The following KIAA2012 variants were observed in gnomAD, a reference collection of about 807,000 sequenced individuals.
KIAA2012 encodes uncharacterized protein KIAA2012.
Under a neutral mutation model 150.6 loss-of-function variants are expected in KIAA2012, and 125 were observed. The ratio of observed to expected loss-of-function variants is 0.83; its 90% CI spans 0.72 to 0.96. KIAA2012 has a LOEUF of 0.96. Among genes scored for constraint, KIAA2012 ranks in the 40% least tolerant of loss-of-function variants. The probability of loss-of-function intolerance (pLI) is 0.00; values close to 1 mark genes in which losing one functional copy is unlikely to be tolerated. For synonymous variants in KIAA2012, 462 were observed against 504.7 expected, an observed-to-expected ratio of 0.92 and a Z score of 1.13; for missense variants, 1,219 against 1,354.9, an observed-to-expected ratio of 0.90 and a Z score of 1.57.
At chr2:202,183,419 CA>C (rs1235156565) in intron 15 of KIAA2012, among the ~76,000 whole-genome samples, 150 of 39,806 alleles carry the variant, frequency 3.8e-3, no homozygotes, top group Admixed American at 7.1e-3. Context: ...GGCTCTGTCT[CA>C]AAAAAAAAAA....
intron 12 of KIAA2012, among the ~76,000 whole-genome samples, chr2:202,134,094 C>T (rs1691012990): frequency 6.6e-6 from 1 of 152,172 alleles, no homozygotes; most frequent in Admixed American, 6.5e-5. Flanking sequence ...CCCATTGGTT[C>T]CTGCTGGGGC....
chr2:202,099,852 C>A, intron 6 of KIAA2012, 56 bp downstream of exon 6: 2 of 1,404,414 alleles, frequency 1.4e-6, no homozygotes, highest in Non-Finnish European at 1.9e-6. Context: ...ATGCAGAGTT[C>A]ATTTAAGGAC....
chr2:202,184,728 A>G, intron 15 of KIAA2012, 25 bp from the exon 16 acceptor site: 1 of 1,487,376 alleles, frequency 6.7e-7, no homozygotes, highest in Non-Finnish European at 9.0e-7. Context: ...GTTGTCCTTT[A>G]TTGATTGATA....
chr2:202,098,789 C>CGTGTGTGT (rs10536026), intron 5 of KIAA2012, among the ~76,000 whole-genome samples: 8,361 of 148,442 alleles, frequency 0.056, 232 homozygotes, highest in Middle Eastern at 0.09. Flanking sequence ...ACTCTAAGGC[C>CGTGTGTGT]GTGTGTGTGT....
At chr2:202,145,088 G>GT (rs2105947685) in intron 13 of KIAA2012, among the ~76,000 whole-genome samples, 1 of 152,258 alleles carries the variant, frequency 6.6e-6, no homozygotes, top group East Asian at 1.9e-4. Flanking sequence ...AGGCTGACAA[G>GT]TAAGATTGGT....
chr2:202,106,288 A>G (rs1235818629), intron 9 of KIAA2012, among the ~76,000 whole-genome samples: 1 of 152,234 alleles, frequency 6.6e-6, no homozygotes, highest in Admixed American at 6.5e-5. Flanking sequence ...AAAAGCGTCA[A>G]ACTTACCAAA....
At chr2:202,084,227 GA>G (rs1389150075) in intron 2 of KIAA2012, among the ~76,000 whole-genome samples, 1 of 152,128 alleles carries the variant, frequency 6.6e-6, no homozygotes, top group African/African-American at 2.4e-5. Context: ...GCTACCTAGG[GA>G]TTTGTTGCCT....
At position 202,184,790 on chromosome 2, in the gene KIAA2012, G is replaced by C. The variant is rs1046945663; in HGVS notation, c.2157G>C (p.Arg719Ser). 1.3e-6 allele frequency: 2 copies of C among 1,548,784 alleles called. No homozygotes were observed. The highest frequency in any genetic ancestry group is 1.7e-6 in the Non-Finnish European group (2 of 1,146,306). The change falls in exon 16 of 24, where the codon AGG (arginine) becomes AGC (serine). Residue 719 changes from arginine to serine, a missense_variant. Coordinates refer to ENST00000498697, the MANE Select transcript of KIAA2012 (RefSeq NM_001277372.4). ...EPRSMTLDSP[R>S]ASRTEHIQTP... ...GGAGTATGACCCTTGACTCTCCCAGGGCTTCCCGGACTGAGCACATCCAGA... is the reference window on the plus strand; with the variant it reads ...GGAGTATGACCCTTGACTCTCCCAGCGCTTCCCGGACTGAGCACATCCAGA...
intron 22 of KIAA2012, chr2:202,197,293 G>A: frequency 2.0e-6 from 1 of 497,272 alleles, no homozygotes; most frequent in Non-Finnish European, 3.6e-6. Flanking sequence ...CCCAAAGAGG[G>A]AAAGGATCTT....
intron 11 of KIAA2012, chr2:202,114,849 T>C (rs1474864072): frequency 6.0e-6 from 1 of 166,182 alleles, no homozygotes; most frequent in Non-Finnish European, 1.5e-5. Flanking sequence ...GTATATTTAA[T>C]CCTACTTGCC....
intron 7 of KIAA2012, 30 bp from the exon 8 acceptor site, chr2:202,102,916 A>G: frequency 1.9e-6 from 3 of 1,545,326 alleles, no homozygotes; most frequent in East Asian, 4.9e-5. Flanking sequence ...GATACCTGCC[A>G]TGATCGTTTT....
intron 9 of KIAA2012, among the ~76,000 whole-genome samples, chr2:202,108,419 G>A (rs892433863): frequency 6.6e-6 from 1 of 152,214 alleles, no homozygotes; most frequent in East Asian, 1.9e-4. Flanking sequence ...TATTTATACC[G>A]ATAATGTTCC....
chr2:202,157,321 G>C (rs1691550501), intron 14 of KIAA2012, among the ~76,000 whole-genome samples: 1 of 152,196 alleles, frequency 6.6e-6, no homozygotes, highest in South Asian at 2.1e-4. Flanking sequence ...ACAGAGAAGA[G>C]CACACAGGCT....
intron 11 of KIAA2012, among the ~76,000 whole-genome samples, chr2:202,118,696 C>G (rs1009306940): frequency 6.6e-6 from 1 of 152,186 alleles, no homozygotes; most frequent in Non-Finnish European, 1.5e-5. Context: ...GTCTATCACA[C>G]GTACCACAGT....
At chr2:202,091,580 AT>A (rs1689723736) in intron 3 of KIAA2012, among the ~76,000 whole-genome samples, 1 of 152,204 alleles carries the variant, frequency 6.6e-6, no homozygotes, top group African/African-American at 2.4e-5. Context: ...GAGTTGCCAG[AT>A]TTAGCACATG....
At chr2:202,167,958 A>G (rs1691805843) in intron 15 of KIAA2012, among the ~76,000 whole-genome samples, 1 of 152,176 alleles carries the variant, frequency 6.6e-6, no homozygotes, top group Non-Finnish European at 1.5e-5. Flanking sequence ...TCTGATTCCC[A>G]GGGTTCAAGT....
chr2:202,147,647 A>AT (rs963915866), intron 13 of KIAA2012, among the ~76,000 whole-genome samples: 6 of 151,372 alleles, frequency 4.0e-5, no homozygotes, highest in South Asian at 2.1e-4. Context: ...TCAAAACACC[A>AT]TTTTTTTTTC....
At chr2:202,129,901 G>T (rs3911818) in intron 12 of KIAA2012, among the ~76,000 whole-genome samples, 44,810 of 152,058 alleles carry the variant, frequency 0.29, 6,781 homozygotes, top group South Asian at 0.33. Context: ...TTGCAAGGCT[G>T]GGAGACAGAG....
intron 13 of KIAA2012, among the ~76,000 whole-genome samples, chr2:202,153,725 G>A (rs1438617769): frequency 6.6e-6 from 1 of 152,184 alleles, no homozygotes; most frequent in Non-Finnish European, 1.5e-5. Flanking sequence ...TGGAATGGAT[G>A]TGCACTCTTC....
Sources: allele counts gnomAD v4.1 joint callset (sites outside exome capture counted in the v4.1 genomes callset), GRCh38; gene constraint gnomAD v4.1.1; transcripts MANE v1.5; gene names NCBI Gene and HGNC (gene_info 2026-07-23, HGNC 2026-07-21).